Variants in PGM5 observed in about 807,000 individuals in gnomAD.
PGM5 encodes the protein phosphoglucomutase 5.
PGM5 carries 23 observed loss-of-function variants against 59.2 expected under a neutral mutation model. The observed-to-expected ratio is 0.39, with a 90% CI of 0.28 to 0.55. The LOEUF (loss-of-function observed/expected upper bound fraction) is 0.55, where lower values mean the gene tolerates loss of function less well. Among genes scored for constraint, PGM5 ranks in the 20% least tolerant of loss-of-function variants. The pLI is 0.66. For missense variants in PGM5, 574 were observed against 748.3 expected (o/e 0.77, Z 2.72); for synonymous variants, 214 against 286.0 (o/e 0.75, Z 2.54).
intron 6 of PGM5, among the ~76,000 whole-genome samples, chr9:68,434,905 G>C (rs1823421909): frequency 6.6e-6 from 1 of 152,124 alleles, no homozygotes; most frequent in South Asian, 2.1e-4. Context: ...GTGTTAATTT[G>C]ATTTTTAAAT....
chr9:68,410,329 G>C (rs1385207280), intron 6 of PGM5, among the ~76,000 whole-genome samples: 3 of 152,162 alleles, frequency 2.0e-5, no homozygotes, highest in Admixed American at 6.5e-5. Flanking sequence ...AAAAATGAGG[G>C]GTTGTCTTAT....
chr9:68,424,353 G>A (rs556655629), intron 6 of PGM5, among the ~76,000 whole-genome samples: 1 of 152,294 alleles, frequency 6.6e-6, no homozygotes, highest in East Asian at 1.9e-4. Context: ...TGTGTTGGGT[G>A]TCTGGTGAGG....
At chr9:68,466,099 C>A (rs879958192) in intron 7 of PGM5, 1 of 1,269,034 alleles carries the variant, frequency 7.9e-7, no homozygotes, top group South Asian at 1.3e-5. Flanking sequence ...TTTGTGATGA[C>A]AAATGAGCTC....
chr9:68,410,282 A>T (rs1458557581), intron 6 of PGM5, among the ~76,000 whole-genome samples: 1 of 152,220 alleles, frequency 6.6e-6, no homozygotes, highest in Non-Finnish European at 1.5e-5. Flanking sequence ...AAGTTGTGAA[A>T]TGGGAGTCTT....
At chr9:68,373,217 G>C (rs1390157998) in intron 1 of PGM5, among the ~76,000 whole-genome samples, 1 of 142,576 alleles carries the variant, frequency 7.0e-6, no homozygotes, top group Non-Finnish European at 1.5e-5. Flanking sequence ...TCTTACCTTA[G>C]AAGCCCCATC....
chr9:68,524,184 G>A (rs937588796), intron 10 of PGM5, among the ~76,000 whole-genome samples: 4 of 152,106 alleles, frequency 2.6e-5, no homozygotes, highest in Admixed American at 1.3e-4. Context: ...TTAAGTGGGT[G>A]TGGATGCCAA....
chr9:68,401,713 C>T (rs550239041), intron 6 of PGM5, among the ~76,000 whole-genome samples: 22 of 151,996 alleles, frequency 1.4e-4, no homozygotes, highest in Admixed American at 4.6e-4. Flanking sequence ...TTTGGTCTTC[C>T]GAGGCTACAT....
chr9:68,474,272 G>A (rs1824068259), intron 7 of PGM5, among the ~76,000 whole-genome samples: 1 of 152,132 alleles, frequency 6.6e-6, no homozygotes, highest in South Asian at 2.1e-4. Context: ...GGTGCAAATT[G>A]ACTTATAGTT....
chr9:68,506,449 T>C (rs1237401488), intron 10 of PGM5, among the ~76,000 whole-genome samples: 2 of 152,216 alleles, frequency 1.3e-5, no homozygotes, highest in Non-Finnish European at 2.9e-5. Flanking sequence ...GATTCAAGAA[T>C]CGTCCTTTGC....
intron 7 of PGM5, among the ~76,000 whole-genome samples, chr9:68,473,535 A>AG (rs1693368318): frequency 6.6e-6 from 1 of 152,204 alleles, no homozygotes; most frequent in South Asian, 2.1e-4. Flanking sequence ...TATTTGTAAA[A>AG]GGGGGCTATC....
At chr9:68,388,764 T>C (rs1822292124) in intron 4 of PGM5, among the ~76,000 whole-genome samples, 1 of 152,188 alleles carries the variant, frequency 6.6e-6, no homozygotes, top group African/African-American at 2.4e-5. Context: ...AGCTATTATA[T>C]TAAACTTGAG....
At chr9:68,422,358 G>C (rs1395998098) in intron 6 of PGM5, among the ~76,000 whole-genome samples, 1 of 151,734 alleles carries the variant, frequency 6.6e-6, no homozygotes, top group Non-Finnish European at 1.5e-5. Context: ...GATTACTGTT[G>C]GGGCTAATGT....
intron 9 of PGM5, among the ~76,000 whole-genome samples, chr9:68,491,634 G>A (rs1012061096): frequency 3.9e-5 from 6 of 152,184 alleles, no homozygotes; most frequent in Non-Finnish European, 8.8e-5. Context: ...CACTTTTCCT[G>A]TGATTTTCCT....
chr9:68,473,714 G>A (rs1480481627), intron 7 of PGM5, among the ~76,000 whole-genome samples: 1 of 152,094 alleles, frequency 6.6e-6, no homozygotes, highest in Non-Finnish European at 1.5e-5. Flanking sequence ...AACAATCCTG[G>A]TTTGTCCAGG....
At chr9:68,399,295 T>G (rs1170688641) in intron 6 of PGM5, 1 of 151,832 alleles carries the variant, frequency 6.6e-6, no homozygotes, top group Non-Finnish European at 1.5e-5. Context: ...TGAGAATCTC[T>G]TCAACACGTG....
At chr9:68,418,087 AG>A (rs1823065824) in intron 6 of PGM5, among the ~76,000 whole-genome samples, 1 of 152,206 alleles carries the variant, frequency 6.6e-6, no homozygotes, top group Admixed American at 6.5e-5. Flanking sequence ...GGGGCCACCA[AG>A]GGCCATTCTC....
At chr9:68,454,682 C>T (rs1409792812) in intron 6 of PGM5, among the ~76,000 whole-genome samples, 1 of 152,062 alleles carries the variant, frequency 6.6e-6, no homozygotes, top group African/African-American at 2.4e-5. Flanking sequence ...AGTAACTTGG[C>T]CAAGGTTGCA....
At chr9:68,499,485 G>A (rs1049597546) in intron 10 of PGM5, 124 bp downstream of exon 10, 3 of 1,023,652 alleles carry the variant, frequency 2.9e-6, no homozygotes, top group Non-Finnish European at 4.2e-6. Flanking sequence ...TCAGCTGGAG[G>A]ACAAGCTCAG....
intron 6 of PGM5, among the ~76,000 whole-genome samples, chr9:68,460,985 G>T (rs1554685349): frequency 6.6e-6 from 1 of 152,188 alleles, no homozygotes; most frequent in African/African-American, 2.4e-5. Context: ...ACGTTGGATT[G>T]ATTTCAGTGA....
Sources: gnomAD v4.1 joint callset for allele counts (sites outside exome capture counted in the v4.1 genomes callset) on GRCh38, gnomAD v4.1.1 for gene constraint, MANE v1.5 for transcripts, NCBI Gene and HGNC (gene_info 2026-07-23, HGNC 2026-07-21) for gene names.